Variants in NEMP2 observed in about 807,000 individuals in gnomAD.
The protein encoded by NEMP2 is UPF0571 transmembrane protein.
In NEMP2, 53 loss-of-function variants were observed where a neutral mutation model predicts 54.2. The ratio of observed to expected loss-of-function variants is 0.98; its 90% CI spans 0.78 to 1.23. The LOEUF (loss-of-function observed/expected upper bound fraction) is 1.23, where lower values mean the gene tolerates loss of function less well. Among genes scored for constraint, NEMP2 ranks in the 50% most tolerant of loss-of-function variants. NEMP2 has a pLI of 0.00. For missense variants in NEMP2, 455 were observed against 511.3 expected, an observed-to-expected ratio of 0.89 and a Z score of 1.06; for synonymous variants, 197 against 190.3, an observed-to-expected ratio of 1.04 and a Z score of -0.29.
rs1690739142 is a variant in NEMP2 at position 190,521,168 on chromosome 2, G to C, written c.214-1985C>G. Among the ~76,000 whole-genome samples, 1 of 152,076 alleles carries C rather than the reference G, an allele frequency of 6.6e-6. No individual in the cohort carries two copies. Among genetic ancestry groups the C allele is most frequent in the Admixed American group, 6.6e-5 (1 of 15,266 alleles). On this transcript the variant is annotated intron_variant, in intron 2 of 8. Coordinates refer to ENST00000409150, the MANE Select transcript of NEMP2 (RefSeq NM_001142645.2). This position sits in a 1 kb window ranked among gnomAD's most constrained non-coding sequence, Gnocchi z 6.2. The stretch of plus-strand genomic sequence containing the variant: ...CTATTCATTCATTCTTCCACCCTCT[G>C]CAACAAAGGATTTCACAACTTCTTC...
At chr2:190,582,954 A>C in the NEMP2 span, among the ~76,000 whole-genome samples, 1 of 152,204 alleles carries the variant, frequency 6.6e-6, no homozygotes, top group Non-Finnish European at 1.5e-5. The surrounding 1 kb of genome is among the most constrained non-coding windows in gnomAD (Gnocchi z 4.6). Context: ...CTACGTTTTC[A>C]GCAAGCTTGT....
chr2:190,499,124 G>A, the NEMP2 span, among the ~76,000 whole-genome samples: 2 of 152,160 alleles, frequency 1.3e-5, no homozygotes, highest in African/African-American at 2.4e-5. The surrounding 1 kb of genome is among the most constrained non-coding windows in gnomAD (Gnocchi z 6.0). Context: ...CTCCGGCCTA[G>A]GCGACAGAGT....
At chr2:190,524,973 C>T (rs1285039577) in intron 2 of NEMP2, among the ~76,000 whole-genome samples, 4 of 152,218 alleles carry the variant, frequency 2.6e-5, no homozygotes, top group Non-Finnish European at 5.9e-5. Flanking sequence ...GTAGGAGGAA[C>T]ATGTTGTCTT....
At chr2:190,586,149 C>A in the NEMP2 span, among the ~76,000 whole-genome samples, 3 of 152,266 alleles carry the variant, frequency 2.0e-5, no homozygotes, top group African/African-American at 7.2e-5. The surrounding 1 kb of genome is among the most constrained non-coding windows in gnomAD (Gnocchi z 4.5). Flanking sequence ...ATGCCTAAAT[C>A]ATACAATAAC....
chr2:190,499,169 A>G, the NEMP2 span, among the ~76,000 whole-genome samples: 1 of 149,710 alleles, frequency 6.7e-6, no homozygotes, highest in Non-Finnish European at 1.5e-5. The surrounding 1 kb of genome is among the most constrained non-coding windows in gnomAD (Gnocchi z 6.0). Context: ...AACAATAATA[A>G]ATAAATAAAT....
chr2:190,502,783 G>A (rs1690080620), downstream of NEMP2, among the ~76,000 whole-genome samples: 1 of 152,190 alleles, frequency 6.6e-6, no homozygotes, highest in Non-Finnish European at 1.5e-5. The surrounding 1 kb of genome is among the most constrained non-coding windows in gnomAD (Gnocchi z 4.4). Flanking sequence ...CACATCCGTG[G>A]ATATTGGGTG....
At chr2:190,556,417 A>G in the NEMP2 span, among the ~76,000 whole-genome samples, 1 of 152,248 alleles carries the variant, frequency 6.6e-6, no homozygotes, top group African/African-American at 2.4e-5. Context: ...GAAAACCGGC[A>G]CAAGACATGG....
At chr2:190,580,064 C>T in the NEMP2 span, among the ~76,000 whole-genome samples, 2 of 152,106 alleles carry the variant, frequency 1.3e-5, no homozygotes, top group African/African-American at 4.8e-5. The surrounding 1 kb of genome is among the most constrained non-coding windows in gnomAD (Gnocchi z 5.3). Context: ...ACGTGGGGAT[C>T]TATTAAAAAG....
the NEMP2 span, chr2:190,624,660 T>A: frequency 1.3e-5 from 2 of 152,158 alleles, no homozygotes; most frequent in African/African-American, 4.8e-5. Flanking sequence ...TTACAGCAAC[T>A]TGGATGGATC....
At chr2:190,621,140 G>T in the NEMP2 span, among the ~76,000 whole-genome samples, 1 of 152,206 alleles carries the variant, frequency 6.6e-6, no homozygotes, top group Non-Finnish European at 1.5e-5. Flanking sequence ...GTTTAATGAT[G>T]GGATTATATT....
At chr2:190,427,739 C>CT in the NEMP2 span, among the ~76,000 whole-genome samples, 21 of 140,478 alleles carry the variant, frequency 1.5e-4, no homozygotes, top group East Asian at 2.1e-3. Context: ...TTTTTTTTTT[C>CT]TTTTTTTTTG....
rs1431826550 is a variant in NEMP2, at chr2:190,529,309, T to C, written c.98-3931A>G. On this transcript the variant is annotated intron_variant, in intron 1 of 8. Transcript: ENST00000409150. The surrounding 1 kb of genome is among the most constrained non-coding windows in gnomAD (Gnocchi z 4.7). ...CCTTCCAGGGACCTGAGTGCCTCTA[T>C]GACCTTCCCTCCTCCACCTTCCCTC... 6.6e-6 allele frequency among the ~76,000 whole-genome samples: 1 copy of C among 152,166 alleles called. No individual in the cohort carries two copies. The highest frequency in any genetic ancestry group is 1.5e-5 in the Non-Finnish European group (1 of 68,012).
At chr2:190,624,343 G>A in the NEMP2 span, among the ~76,000 whole-genome samples, 1 of 152,172 alleles carries the variant, frequency 6.6e-6, no homozygotes, top group Admixed American at 6.5e-5. Flanking sequence ...CCCATACATT[G>A]TTGATAGGAA....
At chr2:190,502,341 CTT>C (rs1165324470), downstream of NEMP2, 1 of 152,196 alleles carries the variant, frequency 6.6e-6, no homozygotes, top group African/African-American at 2.4e-5. The surrounding 1 kb of genome is among the most constrained non-coding windows in gnomAD (Gnocchi z 4.4). Context: ...TGTAACCCCT[CTT>C]GAGATCCCTC....
chr2:190,534,608 G>T lies in NEMP2; in HGVS notation c.48C>A (p.Pro16=). 7.2e-7 allele frequency: 1 copy of T among 1,390,476 alleles called. No individual in the cohort carries two copies. Among genetic ancestry groups the T allele is most frequent in the Non-Finnish European group, 9.3e-7 (1 of 1,075,752 alleles). 86.1% of individuals were successfully genotyped at this position (1,390,476 alleles called of 1,614,324 possible). A position where few individuals can be genotyped will look rare whatever the true frequency, so the allele number is the denominator to read the frequency against. ...CCCCGCGCACGGGCAGTGTGGCCAGGGGCGGCAGCCAGAGCAGCAGCCACC... is the reference window on the plus strand; with the variant it reads ...CCCCGCGCACGGGCAGTGTGGCCAGTGGCGGCAGCCAGAGCAGCAGCCACC... ...GRWWLLLWLP[P]LATLPVRGEA... The change falls in exon 1 of 9, where the codon CCC becomes CCA. Residue 16 remains proline, a synonymous_variant. Transcript: ENST00000409150.
the NEMP2 span, among the ~76,000 whole-genome samples, chr2:190,642,681 T>C: frequency 2.6e-5 from 4 of 152,148 alleles, no homozygotes; most frequent in Middle Eastern, 3.2e-3. The surrounding 1 kb of genome is among the most constrained non-coding windows in gnomAD (Gnocchi z 4.1). Flanking sequence ...ATGAATATTC[T>C]ACATGACTCA....
chr2:190,540,083 A>T, the NEMP2 span, among the ~76,000 whole-genome samples: 856 of 152,082 alleles, frequency 5.6e-3, 13 homozygotes, highest in African/African-American at 0.02. Flanking sequence ...TATTATTTTG[A>T]GATGTTTTTT....
At chr2:190,634,186 T>C in the NEMP2 span, among the ~76,000 whole-genome samples, 2 of 152,234 alleles carry the variant, frequency 1.3e-5, no homozygotes, top group South Asian at 4.1e-4. This position sits in a 1 kb window ranked among gnomAD's most constrained non-coding sequence, Gnocchi z 6.8. Flanking sequence ...TAAATAATAA[T>C]ATAATAAACA....
the NEMP2 span, among the ~76,000 whole-genome samples, chr2:190,448,623 CAT>C: frequency 6.6e-6 from 1 of 152,098 alleles, no homozygotes; most frequent in African/African-American, 2.4e-5. Flanking sequence ...AAAAGTTTAG[CAT>C]ATTTTTATGG....
Sources: allele counts gnomAD v4.1 joint callset (sites outside exome capture counted in the v4.1 genomes callset), GRCh38; gene constraint gnomAD v4.1.1; non-coding constraint Gnocchi (gnomAD v3.1); transcripts MANE v1.5; gene names NCBI Gene and HGNC (gene_info 2026-07-23, HGNC 2026-07-21).